DYNC1LI2: variants seen among roughly 807,000 people sequenced by gnomAD.
DYNC1LI2 encodes dynein cytoplasmic 1 light intermediate chain 2.
DYNC1LI2 carries 19 observed loss-of-function variants against 57.8 expected under a neutral mutation model. The ratio of observed to expected loss-of-function variants is 0.33; its 90% CI spans 0.23 to 0.48. DYNC1LI2 has a LOEUF of 0.48. DYNC1LI2 is among the 20% of genes least tolerant of loss of function. DYNC1LI2 has a pLI of 0.99. For missense variants in DYNC1LI2, 470 were observed against 604.2 expected, an observed-to-expected ratio of 0.78 and a Z score of 2.33; for synonymous variants, 256 against 233.4, an observed-to-expected ratio of 1.10 and a Z score of -0.88.
At chr16:66,729,188 C>A in intron 8 of DYNC1LI2, 89 bp from the exon 9 acceptor site, 1 of 1,396,574 alleles carries the variant, frequency 7.2e-7, no homozygotes, top group Non-Finnish European at 1.0e-6. Context: ...GTCCGAGGCT[C>A]AGGCTTCAAC....
chr16:66,724,869 AAG>A (rs2017508502), intron 12 of DYNC1LI2: 3 of 152,178 alleles, frequency 2.0e-5, no homozygotes, highest in African/African-American at 7.2e-5. Flanking sequence ...CAGAACAACT[AAG>A]GCTTTAGTAT....
At chr16:66,731,799 G>A (rs2017641692) in intron 7 of DYNC1LI2, 1 of 152,432 alleles carries the variant, frequency 6.6e-6, no homozygotes, top group Admixed American at 6.5e-5. Context: ...TATGCATCCA[G>A]CAACACTATG....
intron 6 of DYNC1LI2, 150 bp downstream of exon 6, chr16:66,734,068 T>C: frequency 1.6e-6 from 1 of 625,866 alleles, no homozygotes; most frequent in Non-Finnish European, 2.7e-6. Flanking sequence ...AAAACTCCGA[T>C]ACAGTAAAAC....
intron 3 of DYNC1LI2, among the ~76,000 whole-genome samples, chr16:66,743,018 C>T (rs1399616787): frequency 2.6e-5 from 4 of 151,978 alleles, no homozygotes; most frequent in Non-Finnish European, 5.9e-5. Context: ...ACAAATTAGC[C>T]GGGCATCGTG....
At position 66,751,260 on chromosome 16, in the gene DYNC1LI2, C is replaced by T. The variant is rs751714385; in HGVS notation, c.181+13G>A. 1.2e-6 allele frequency: 2 copies of T among 1,609,640 alleles called. No individual in the cohort carries two copies. The highest frequency in any genetic ancestry group is 1.7e-6 in the Non-Finnish European group (2 of 1,178,318). Reference sequence around the variant, plus strand: ...CCAGCGACCTGGGGCAACGCCCCGCCGCCGGCGCTCACCGAAGACCAGGAT... The same window carrying T: ...CCAGCGACCTGGGGCAACGCCCCGCTGCCGGCGCTCACCGAAGACCAGGAT... On this transcript the variant is annotated intron_variant, in intron 2 of 12. Transcript: ENST00000258198. This position sits in a 1 kb window ranked among gnomAD's most constrained non-coding sequence, Gnocchi z 5.2.
At chr16:66,745,128 C>T (rs962654936) in intron 3 of DYNC1LI2, among the ~76,000 whole-genome samples, 4 of 152,084 alleles carry the variant, frequency 2.6e-5, no homozygotes, top group African/African-American at 4.8e-5. Context: ...GGGCTAGTCT[C>T]GAACTCCTGA....
At chr16:66,730,331 G>A (rs2017613705) in intron 7 of DYNC1LI2, 108 bp from the exon 8 acceptor site, 1 of 915,652 alleles carries the variant, frequency 1.1e-6, no homozygotes, top group Admixed American at 3.0e-5. Context: ...AAGATATAGT[G>A]TGTAGTTGTT....
At chr16:66,746,059 G>C (rs2017930890) in intron 3 of DYNC1LI2, among the ~76,000 whole-genome samples, 1 of 152,104 alleles carries the variant, frequency 6.6e-6, no homozygotes, top group Non-Finnish European at 1.5e-5. Context: ...TGTGTCAACA[G>C]TATAAAGTAT....
chr16:66,746,751 C>T (rs921234817), intron 3 of DYNC1LI2, among the ~76,000 whole-genome samples: 4 of 152,190 alleles, frequency 2.6e-5, no homozygotes, highest in Non-Finnish European at 5.9e-5. Context: ...AGCACTGTTA[C>T]ACCTGATACA....
intron 3 of DYNC1LI2, among the ~76,000 whole-genome samples, chr16:66,745,543 G>A (rs2017920224): frequency 1.3e-5 from 2 of 151,322 alleles, no homozygotes; most frequent in African/African-American, 4.8e-5. Context: ...CTCACAAAGT[G>A]CTGGGATTAC....
intron 11 of DYNC1LI2, among the ~76,000 whole-genome samples, chr16:66,726,917 C>A (rs2017546582): frequency 6.6e-6 from 1 of 151,644 alleles, no homozygotes; most frequent in South Asian, 2.1e-4. Flanking sequence ...AGTCACCACG[C>A]CAGGCCTTTT....
chr16:66,728,166 G>A lies in DYNC1LI2; in HGVS notation c.1143+35C>T, dbSNP rs766297870. 1.9e-6 allele frequency: 3 copies of A among 1,613,718 alleles called. No individual in the cohort carries two copies. In the South Asian group the frequency reaches 3.3e-5, roughly 18 times the overall value. On this transcript the variant is annotated intron_variant, in intron 10 of 12. Coordinates refer to ENST00000258198, the MANE Select transcript of DYNC1LI2 (RefSeq NM_006141.3). ...AAAGTTTGATGACACCCACAACACT[G>A]GGCCTTGACCCTCTGTTTAGTGTAA... is the stretch of plus-strand genomic sequence containing the variant.
intron 3 of DYNC1LI2, among the ~76,000 whole-genome samples, chr16:66,743,722 T>A (rs1037164544): frequency 6.6e-6 from 1 of 152,136 alleles, no homozygotes; most frequent in African/African-American, 2.4e-5. Flanking sequence ...AGCCTATGTT[T>A]AAACAAGCCC....
chr16:66,728,374 C>A, intron 9 of DYNC1LI2, 132 bp from the exon 10 acceptor site: 1 of 998,754 alleles, frequency 1.0e-6, no homozygotes, highest in South Asian at 1.8e-5. Flanking sequence ...TTTTATACCA[C>A]AGATGCCAAA....
chr16:66,740,349 A>G (rs1209520576), intron 4 of DYNC1LI2, among the ~76,000 whole-genome samples: 2 of 152,182 alleles, frequency 1.3e-5, no homozygotes, highest in Non-Finnish European at 2.9e-5. Context: ...CTAGAGTCCA[A>G]TTAATCTGGA....
Position 66,751,403 on chromosome 16 carries a change from C to A in DYNC1LI2, c.108-57G>T, listed in dbSNP as rs2018050363. 6 of 1,595,522 alleles carry A rather than the reference C, an allele frequency of 3.8e-6. No individual in the cohort carries two copies. The highest frequency in any genetic ancestry group is 5.1e-6 in the Non-Finnish European group (6 of 1,172,668). On this transcript the variant is annotated intron_variant, in intron 1 of 12. Transcript: ENST00000258198. This position sits in a 1 kb window ranked among gnomAD's most constrained non-coding sequence, Gnocchi z 5.2. ...CGGGCCGGGCTGGGATGGCCCGGCT[C>A]GCGTCGGCCCCTCAGTGTGTCCGAC...
chr16:66,732,150 C>T (rs1383365369), intron 7 of DYNC1LI2, 189 bp downstream of exon 7: 2 of 751,742 alleles, frequency 2.7e-6, no homozygotes, highest in Non-Finnish European at 4.0e-6. Flanking sequence ...AAGGCAGCAC[C>T]CCTGACCACA....
rs909246714 is a variant in DYNC1LI2 at position 66,721,116 on chromosome 16, A to G, written c.*2606T>C. ...GTGAACTTTCACTTACAGCATTAAC[A>G]TTGTTAAGGTCATGATGTACAGAGC... On this transcript the variant is annotated 3_prime_UTR_variant, in exon 13 of 13. Transcript: ENST00000258198. The G allele has an allele frequency of 6.6e-6, 1 of 152,638 alleles. No individual in the cohort carries two copies. The highest frequency in any genetic ancestry group is 2.4e-5 in the African/African-American group (1 of 41,458). The allele number at this position is 152,638 out of a possible 1,614,324, so 9.5% of individuals were successfully genotyped here.
intron 11 of DYNC1LI2, among the ~76,000 whole-genome samples, chr16:66,727,121 T>C (rs941913210): frequency 5.3e-5 from 8 of 152,172 alleles, no homozygotes; most frequent in Admixed American, 1.3e-4. Flanking sequence ...TCTCACTATG[T>C]TGCCCGGGCT....
Sources: allele counts gnomAD v4.1 joint callset (sites outside exome capture counted in the v4.1 genomes callset), GRCh38; gene constraint gnomAD v4.1.1; non-coding constraint Gnocchi (gnomAD v3.1); transcripts MANE v1.5; gene names NCBI Gene and HGNC (gene_info 2026-07-23, HGNC 2026-07-21).